The following PLPP3 variants were observed in gnomAD, a reference collection of about 807,000 sequenced individuals.
The protein encoded by PLPP3 is phospholipid phosphatase 3, also known as PAP2 beta.
PLPP3 carries 6 observed loss-of-function variants against 29.6 expected under a neutral mutation model. The ratio of observed to expected loss-of-function variants is 0.20; its 90% CI spans 0.11 to 0.40. The LOEUF is 0.40. Among genes scored for constraint, PLPP3 ranks in the 10% least tolerant of loss-of-function variants. The pLI, the probability that PLPP3 is intolerant of heterozygous loss-of-function variation, is 1.00. For synonymous variants in PLPP3, 152 were observed against 159.7 expected (o/e 0.95, Z 0.36); for missense variants, 308 against 407.7 (o/e 0.76, Z 2.11).
At chr1:56,567,746 G>A (rs148900654) in intron 1 of PLPP3, among the ~76,000 whole-genome samples, 113 of 152,188 alleles carry the variant, frequency 7.4e-4, no homozygotes, top group African/African-American at 2.6e-3. Context: ...AAAACAGTTT[G>A]GCAGTTCCTC....
chr1:56,550,670 T>C (rs376799156), intron 1 of PLPP3, among the ~76,000 whole-genome samples: 29 of 152,142 alleles, frequency 1.9e-4, no homozygotes, highest in East Asian at 1.7e-3. Context: ...CTGACCCCTC[T>C]ATTGCAGTAA....
intron 1 of PLPP3, among the ~76,000 whole-genome samples, chr1:56,553,138 A>C (rs1274269600): frequency 1.3e-5 from 2 of 152,184 alleles, no homozygotes; most frequent in African/African-American, 4.8e-5. Flanking sequence ...TTCTCTGAGA[A>C]ATGCTGGCCT....
At chr1:56,545,009 C>T (rs1427247298) in intron 1 of PLPP3, among the ~76,000 whole-genome samples, 1 of 152,236 alleles carries the variant, frequency 6.6e-6, no homozygotes, top group Non-Finnish European at 1.5e-5. Context: ...CCTAACAACT[C>T]CATGAAGTAA....
chr1:56,525,749 G>C (rs1645848397), intron 2 of PLPP3, among the ~76,000 whole-genome samples: 1 of 152,132 alleles, frequency 6.6e-6, no homozygotes, highest in Admixed American at 6.5e-5. Flanking sequence ...GCAGGATGAT[G>C]AGTTACACTT....
intron 1 of PLPP3, among the ~76,000 whole-genome samples, chr1:56,569,770 C>T (rs185328876): frequency 2.6e-5 from 4 of 152,294 alleles, no homozygotes; most frequent in Non-Finnish European, 5.9e-5. Flanking sequence ...TTTCTTCCCC[C>T]GCACAGTGCA....
intron 1 of PLPP3, among the ~76,000 whole-genome samples, chr1:56,554,583 A>AG (rs1254342594): frequency 6.6e-6 from 1 of 152,036 alleles, no homozygotes; most frequent in Admixed American, 6.6e-5. Flanking sequence ...AAAAAAAAAA[A>AG]AAAAGAAATA....
rs1645838668 is a variant in PLPP3 at position 56,524,322 on chromosome 1, T to C, written c.530A>G (p.Gln177Arg). ...GTCATCACCTCTGCATCTGTAGTTC[T>C]GAATGTAGCCTTCAGAGCAGTTGAT... The part of the protein sequence containing the change: ...SQINCSEGYI[Q>R]NYRCRGDDSK... Residue 177 changes from glutamine (Q) to arginine (R), a missense_variant, in exon 3 of 6, where the codon CAG (glutamine) becomes CGG (arginine). By Grantham distance (43) the Gln-to-Arg change is conservative. Around this residue, in one of 3 missense-constraint regions of PLPP3, gnomAD observed 232 missense variants for 317.2 expected, o/e 0.73. Coordinates refer to ENST00000371250, the MANE Select transcript of PLPP3 (RefSeq NM_003713.5). This position sits in a 1 kb window ranked among gnomAD's most constrained non-coding sequence, Gnocchi z 4.3. The C allele has an allele frequency of 1.2e-6, 2 of 1,614,064 alleles. No homozygotes were observed. Among genetic ancestry groups the C allele is most frequent in the African/African-American group, 1.3e-5 (1 of 75,054 alleles).
At chr1:56,510,940 G>C (rs1460245192) in intron 5 of PLPP3, among the ~76,000 whole-genome samples, 4 of 152,170 alleles carry the variant, frequency 2.6e-5, no homozygotes, top group Non-Finnish European at 4.4e-5. Context: ...TGCATAGTGA[G>C]ACATAAGCCT....
intron 1 of PLPP3, among the ~76,000 whole-genome samples, chr1:56,576,546 G>A (rs1646236745): frequency 6.6e-6 from 1 of 152,150 alleles, no homozygotes; most frequent in Non-Finnish European, 1.5e-5. Context: ...ATTGGCCTGT[G>A]CTCAGGGGAA....
Position 56,524,174 on chromosome 1 carries a change from G to A in PLPP3, c.575+103C>T. Reference sequence around the variant, plus strand: ...TGAGTTCCTCAAGAATAGGAACTATGCCTTATTCACCCATCTAAACCAGGG... The same window carrying A: ...TGAGTTCCTCAAGAATAGGAACTATACCTTATTCACCCATCTAAACCAGGG... On this transcript the variant is annotated intron_variant, in intron 3 of 5. Coordinates refer to ENST00000371250, the MANE Select transcript of PLPP3 (RefSeq NM_003713.5). The surrounding 1 kb of genome is among the most constrained non-coding windows in gnomAD (Gnocchi z 4.3). The A allele has an allele frequency of 7.3e-7, 1 of 1,367,576 alleles. No individual in the cohort carries two copies. The highest frequency in any genetic ancestry group is 1.0e-6 in the Non-Finnish European group (1 of 988,972). The allele number at this position is 1,367,576 out of a possible 1,614,324, so 84.7% of individuals were successfully genotyped here.
chr1:56,555,917 T>C (rs1304786491), intron 1 of PLPP3, among the ~76,000 whole-genome samples: 1 of 152,236 alleles, frequency 6.6e-6, no homozygotes, highest in Non-Finnish European at 1.5e-5. Context: ...TAGCAGTTAA[T>C]AACCATCAAA....
chr1:56,564,702 T>C (rs948846812), intron 1 of PLPP3, among the ~76,000 whole-genome samples: 4 of 152,216 alleles, frequency 2.6e-5, no homozygotes, highest in South Asian at 2.1e-4. Context: ...AAGAAGTATA[T>C]TTTAATTTCC....
At chr1:56,510,850 C>T (rs902629475) in intron 5 of PLPP3, among the ~76,000 whole-genome samples, 1 of 152,164 alleles carries the variant, frequency 6.6e-6, no homozygotes, top group African/African-American at 2.4e-5. Flanking sequence ...CCCCCAAGAA[C>T]TTACAGCCTA....
Position 56,523,889 on chromosome 1 carries a change from G to T in PLPP3, c.576-9C>A, listed in dbSNP as rs369134365. On this transcript the variant is annotated splice_polypyrimidine_tract_variant and intron_variant, in intron 3 of 5. Transcript: ENST00000371250. ...CAGAGAAGAAGGACTTCCTGCAAGA[G>T]CAAGAGAGGGCCATGAAAGGGCCGT... The T allele has an allele frequency of 5.0e-6, 8 of 1,613,070 alleles. No individual in the cohort carries two copies. The African/African-American group carries it at 1.1e-4, about 22-fold the overall frequency.
chr1:56,527,573 G>A (rs186759056), intron 2 of PLPP3, among the ~76,000 whole-genome samples: 39 of 152,212 alleles, frequency 2.6e-4, no homozygotes, highest in Non-Finnish European at 4.4e-4. Flanking sequence ...TAAGGAGAGG[G>A]CCAGGCTGAA....
At chr1:56,511,416 T>C (rs149384900) in intron 5 of PLPP3, among the ~76,000 whole-genome samples, 1 of 152,250 alleles carries the variant, frequency 6.6e-6, no homozygotes, top group South Asian at 2.1e-4. Flanking sequence ...AGCCTTCAGA[T>C]AACCTCCTCT....
At chr1:56,549,749 A>G (rs977517619) in intron 1 of PLPP3, among the ~76,000 whole-genome samples, 6 of 152,192 alleles carry the variant, frequency 3.9e-5, no homozygotes, top group African/African-American at 1.4e-4. Context: ...GCTCATTTAT[A>G]AAGAACAGCT....
chr1:56,568,102 A>G (rs1646173559), intron 1 of PLPP3, among the ~76,000 whole-genome samples: 1 of 152,210 alleles, frequency 6.6e-6, no homozygotes, highest in African/African-American at 2.4e-5. Flanking sequence ...TCTATGGAGA[A>G]AGAAATTGGA....
chr1:56,571,513 A>G (rs929710059), intron 1 of PLPP3, among the ~76,000 whole-genome samples: 13 of 152,222 alleles, frequency 8.5e-5, no homozygotes, highest in African/African-American at 3.1e-4. Context: ...TGACATTAAA[A>G]AATGACCTTG....
Sources: allele counts gnomAD v4.1 joint callset (sites outside exome capture counted in the v4.1 genomes callset), GRCh38; gene constraint gnomAD v4.1.1; regional missense constraint gnomAD v4.1.1; non-coding constraint Gnocchi (gnomAD v3.1); transcripts MANE v1.5; gene names NCBI Gene and HGNC (gene_info 2026-07-23, HGNC 2026-07-21).